Variants in PACSIN2 observed in about 807,000 individuals in gnomAD.
The protein encoded by PACSIN2 is protein kinase C and casein kinase substrate in neurons protein 2.
Under a neutral mutation model 63.8 loss-of-function variants are expected in PACSIN2, and 25 were observed. The ratio of observed to expected loss-of-function variants is 0.39; its 90% CI spans 0.29 to 0.55. The LOEUF (loss-of-function observed/expected upper bound fraction) is 0.55, where lower values mean the gene tolerates loss of function less well. Among genes scored for constraint, PACSIN2 ranks in the 20% least tolerant of loss-of-function variants. The pLI is 0.62. For missense variants in PACSIN2, 518 were observed against 646.9 expected (o/e 0.80, Z 2.16); for synonymous variants, 255 against 256.2 (o/e 1.00, Z 0.05).
At chr22:42,890,860 AGGAAGTCCT>A in intron 4 of PACSIN2, 78 bp downstream of exon 4, 1 of 1,027,830 alleles carries the variant, frequency 9.7e-7, no homozygotes, top group Non-Finnish European at 1.5e-6. Context: ...AGCCAGTGGC[AGGAAGTCCT>A]AGGTGCAGGA....
chr22:42,998,712 C>T (rs1923570451), intron 1 of PACSIN2, among the ~76,000 whole-genome samples: 1 of 152,144 alleles, frequency 6.6e-6, no homozygotes, highest in South Asian at 2.1e-4. Context: ...CACCCTCAAG[C>T]CTGGACCCAA....
intron 1 of PACSIN2, among the ~76,000 whole-genome samples, chr22:42,937,445 C>T (rs751604971): frequency 2.0e-5 from 3 of 152,032 alleles, no homozygotes; most frequent in Non-Finnish European, 2.9e-5. Flanking sequence ...AAACGGGCAC[C>T]GAAGACAAAA....
intron 1 of PACSIN2, among the ~76,000 whole-genome samples, chr22:42,982,887 A>AAAAAAAAC (rs200348918): frequency 1.0e-4 from 13 of 129,538 alleles, no homozygotes; most frequent in South Asian, 2.6e-4. Context: ...AAAAAAAAAA[A>AAAAAAAAC]AAACAACAAC....
intron 1 of PACSIN2, among the ~76,000 whole-genome samples, chr22:42,980,987 C>G (rs1275618382): frequency 6.1e-4 from 79 of 129,452 alleles, no homozygotes; most frequent in Non-Finnish European, 1.2e-3. Flanking sequence ...GCTGCCCAGT[C>G]TGGAAAGTGA....
intron 7 of PACSIN2, among the ~76,000 whole-genome samples, chr22:42,881,603 TA>T (rs1246687824): frequency 6.6e-6 from 1 of 152,226 alleles, no homozygotes; most frequent in Non-Finnish European, 1.5e-5. Context: ...ATCCAAGGGC[TA>T]GGTGAGTCCT....
chr22:42,907,876 G>A (rs9623713), intron 2 of PACSIN2, among the ~76,000 whole-genome samples: 2,515 of 152,350 alleles, frequency 0.017, 35 homozygotes, highest in Admixed American at 0.027. Flanking sequence ...ACTCCACATG[G>A]ATGATGAATA....
At chr22:42,947,978 C>T (rs1041570195) in intron 1 of PACSIN2, among the ~76,000 whole-genome samples, 5 of 152,212 alleles carry the variant, frequency 3.3e-5, no homozygotes, top group Non-Finnish European at 7.3e-5. Flanking sequence ...CAACCTCCTC[C>T]AACACAGCGG....
At chr22:42,947,863 A>G (rs1222324354) in intron 1 of PACSIN2, among the ~76,000 whole-genome samples, 1 of 152,166 alleles carries the variant, frequency 6.6e-6, no homozygotes, top group South Asian at 2.1e-4. Flanking sequence ...GGCCAGGGAG[A>G]AGGTGACTGG....
chr22:42,950,993 TGGACATATGGTGGTCA>T (rs1414191544), intron 1 of PACSIN2, among the ~76,000 whole-genome samples: 2 of 152,108 alleles, frequency 1.3e-5, no homozygotes, highest in Non-Finnish European at 2.9e-5. Flanking sequence ...AGGGTCTACC[TGGACATATGGTGGTCA>T]GGGAAGGTTG....
At chr22:42,969,713 A>T (rs956505485) in intron 1 of PACSIN2, among the ~76,000 whole-genome samples, 12 of 152,080 alleles carry the variant, frequency 7.9e-5, no homozygotes, top group African/African-American at 2.7e-4. Context: ...CCGAGGCATG[A>T]TGATCGCTCG....
intron 1 of PACSIN2, among the ~76,000 whole-genome samples, chr22:42,928,552 T>C (rs1432502264): frequency 6.6e-6 from 1 of 152,190 alleles, no homozygotes; most frequent in Non-Finnish European, 1.5e-5. Context: ...ATATGTAAGT[T>C]GTCAGAGTGT....
At chr22:42,951,859 C>T (rs191965355) in intron 1 of PACSIN2, among the ~76,000 whole-genome samples, 166 of 152,234 alleles carry the variant, frequency 1.1e-3, no homozygotes, top group Non-Finnish European at 2.1e-3. Context: ...CTTCCAATCC[C>T]CACACCCTGG....
intron 1 of PACSIN2, among the ~76,000 whole-genome samples, chr22:42,987,449 A>AAC (rs745523623): frequency 0.11 from 9,526 of 87,024 alleles, 457 homozygotes; most frequent in Non-Finnish European, 0.13. Flanking sequence ...GTCCAGGAGC[A>AAC]ACACACACAC....
intron 1 of PACSIN2, among the ~76,000 whole-genome samples, chr22:42,933,585 C>G (rs1448997558): frequency 2.6e-5 from 4 of 152,176 alleles, no homozygotes; most frequent in Admixed American, 6.5e-5. Flanking sequence ...AAAGCAGCAG[C>G]CTGTCCGTCC....
At chr22:42,878,491 G>A (rs1397921732) in intron 8 of PACSIN2, among the ~76,000 whole-genome samples, 1 of 152,206 alleles carries the variant, frequency 6.6e-6, no homozygotes, top group African/African-American at 2.4e-5. Flanking sequence ...AGGTTCTAAT[G>A]ACCACAGTGC....
At chr22:43,008,594 G>A (rs1204044411) in intron 1 of PACSIN2, among the ~76,000 whole-genome samples, 1 of 152,200 alleles carries the variant, frequency 6.6e-6, no homozygotes, top group Non-Finnish European at 1.5e-5. Context: ...ATATAGCTCA[G>A]AATGTGTACT....
At position 42,980,518 on chromosome 22, in the gene PACSIN2, G is replaced by A. The variant is rs1003969159; in HGVS notation, c.-78+34503C>T. 4.9e-3 allele frequency among the ~76,000 whole-genome samples: 365 copies of A among 74,310 alleles called. 1 individual carries two copies. Among genetic ancestry groups the A allele is most frequent in the African/African-American group, 0.019 (360 of 19,310 alleles). 48.8% of individuals were successfully genotyped at this position (74,310 alleles called of 152,430 possible). A position where few individuals can be genotyped will look rare whatever the true frequency, so the allele number is the denominator to read the frequency against. On this transcript the variant is annotated intron_variant, in intron 1 of 10. Transcript: ENST00000263246. ...CCTCCCCCTCTCCCTCTCCCTCCACGGTCTCCCTCTGATGCCGAGCCAAAG... is the reference window on the plus strand; with the variant it reads ...CCTCCCCCTCTCCCTCTCCCTCCACAGTCTCCCTCTGATGCCGAGCCAAAG...
At chr22:42,960,110 A>C (rs1934077228) in intron 1 of PACSIN2, among the ~76,000 whole-genome samples, 1 of 152,152 alleles carries the variant, frequency 6.6e-6, no homozygotes, top group South Asian at 2.1e-4. Context: ...CAAAATTCAT[A>C]CTACCCCCTC....
chr22:42,899,059 C>G (rs1930488350), intron 2 of PACSIN2, among the ~76,000 whole-genome samples: 1 of 152,140 alleles, frequency 6.6e-6, no homozygotes, highest in Non-Finnish European at 1.5e-5. Flanking sequence ...GACACAGGAC[C>G]ATGCCAAGCT....
Sources: gnomAD v4.1 joint callset for allele counts (sites outside exome capture counted in the v4.1 genomes callset) on GRCh38, gnomAD v4.1.1 for gene constraint, MANE v1.5 for transcripts, NCBI Gene and HGNC (gene_info 2026-07-23, HGNC 2026-07-21) for gene names.